CDH12: variants seen among roughly 807,000 people sequenced by gnomAD.
The protein encoded by CDH12 is cadherin-12.
Under a neutral mutation model 74.1 loss-of-function variants are expected in CDH12, and 41 were observed. That is an observed-to-expected ratio of 0.55 (90% CI 0.43 to 0.72). CDH12 has a LOEUF of 0.72. Ranked by LOEUF, CDH12 falls within the 30% of genes least tolerant of loss-of-function variation. The probability of loss-of-function intolerance (pLI) is 0.00; values close to 1 mark genes in which losing one functional copy is unlikely to be tolerated. For missense variants in CDH12, 945 were observed against 977.2 expected (o/e 0.97, Z 0.44); for synonymous variants, 399 against 355.0 (o/e 1.12, Z -1.39).
chr5:22,430,494 A>G (rs2126519077), intron 2 of CDH12, among the ~76,000 whole-genome samples: 1 of 152,316 alleles, frequency 6.6e-6, no homozygotes, highest in East Asian at 1.9e-4. Flanking sequence ...AAATACAAGG[A>G]AAAAATTTTA....
At chr5:22,780,600 A>T (rs1157238694) in intron 1 of CDH12, among the ~76,000 whole-genome samples, 1 of 152,122 alleles carries the variant, frequency 6.6e-6, no homozygotes, top group Non-Finnish European at 1.5e-5. Context: ...CAAGAACAGC[A>T]TGGGGATAAC....
chr5:22,058,033 CT>C (rs1740870901), intron 5 of CDH12, among the ~76,000 whole-genome samples: 1 of 151,328 alleles, frequency 6.6e-6, no homozygotes, highest in Non-Finnish European at 1.5e-5. Flanking sequence ...ATCTATCTAT[CT>C]ATCTATCTAT....
At chr5:22,399,125 C>A (rs1742595011) in intron 3 of CDH12, among the ~76,000 whole-genome samples, 1 of 151,986 alleles carries the variant, frequency 6.6e-6, no homozygotes, top group Admixed American at 6.6e-5. Flanking sequence ...TTTCTATCTT[C>A]TATTTATCCA....
chr5:22,747,767 T>C (rs887509826), intron 1 of CDH12, among the ~76,000 whole-genome samples: 2 of 152,184 alleles, frequency 1.3e-5, no homozygotes, highest in African/African-American at 4.8e-5. Context: ...ATTCCTAGTG[T>C]TTTAAACTTG....
At chr5:22,485,809 TAATGACACA>T (rs913809242) in intron 2 of CDH12, among the ~76,000 whole-genome samples, 1 of 152,182 alleles carries the variant, frequency 6.6e-6, no homozygotes, top group African/African-American at 2.4e-5. Flanking sequence ...CATATCAAAA[TAATGACACA>T]AATGCCTACC....
chr5:22,368,244 GCT>G (rs1387657355), intron 3 of CDH12, among the ~76,000 whole-genome samples: 1 of 151,872 alleles, frequency 6.6e-6, no homozygotes, highest in Non-Finnish European at 1.5e-5. Flanking sequence ...TTCTAAAATA[GCT>G]CTTTGAGATA....
At chr5:22,745,572 G>C (rs931222719) in intron 1 of CDH12, among the ~76,000 whole-genome samples, 1 of 152,084 alleles carries the variant, frequency 6.6e-6, no homozygotes, top group African/African-American at 2.4e-5. Context: ...ATACACTATA[G>C]AATACCATGC....
chr5:22,715,217 T>C (rs1014296498), intron 1 of CDH12, among the ~76,000 whole-genome samples: 7 of 152,206 alleles, frequency 4.6e-5, no homozygotes, highest in Non-Finnish European at 7.3e-5. Context: ...ATCATGTTAA[T>C]TATCCATCTC....
At chr5:22,323,920 T>C (rs953092352) in intron 3 of CDH12, among the ~76,000 whole-genome samples, 2 of 152,194 alleles carry the variant, frequency 1.3e-5, no homozygotes, top group Non-Finnish European at 2.9e-5. Context: ...ATCTGAATAA[T>C]AGTAATTGAC....
intron 2 of CDH12, among the ~76,000 whole-genome samples, chr5:22,446,341 C>T (rs1484516333): frequency 1.3e-5 from 2 of 152,056 alleles, no homozygotes; most frequent in Non-Finnish European, 2.9e-5. Flanking sequence ...AGATGACGTG[C>T]CAAGTTTCCA....
chr5:22,409,625 T>G (rs1178465812), intron 2 of CDH12, among the ~76,000 whole-genome samples: 1 of 152,162 alleles, frequency 6.6e-6, no homozygotes, highest in African/African-American at 2.4e-5. Context: ...TCTGCTTAAA[T>G]AATGTTTTAA....
At chr5:21,836,362 A>C (rs532868325) in intron 8 of CDH12, among the ~76,000 whole-genome samples, 1 of 151,732 alleles carries the variant, frequency 6.6e-6, no homozygotes, top group African/African-American at 2.4e-5. Flanking sequence ...TTTATGAGTA[A>C]GAAATTTTCT....
chr5:22,018,004 C>T (rs1737711079), intron 5 of CDH12, among the ~76,000 whole-genome samples: 1 of 152,072 alleles, frequency 6.6e-6, no homozygotes. Context: ...GGTGATCCGC[C>T]CACCTTGGCC....
At chr5:22,370,724 G>A (rs534430031) in intron 3 of CDH12, among the ~76,000 whole-genome samples, 2 of 152,140 alleles carry the variant, frequency 1.3e-5, no homozygotes, top group South Asian at 4.1e-4. Context: ...AGGAAACCTT[G>A]GTATGCTTGA....
intron 8 of CDH12, among the ~76,000 whole-genome samples, chr5:21,822,687 T>A (rs1001408114): frequency 2.0e-5 from 3 of 152,112 alleles, no homozygotes; most frequent in African/African-American, 7.2e-5. Flanking sequence ...GCATAGTTTT[T>A]AAGTGTCAAG....
At chr5:22,443,392 C>A (rs1291674554) in intron 2 of CDH12, among the ~76,000 whole-genome samples, 1 of 151,998 alleles carries the variant, frequency 6.6e-6, no homozygotes, top group Non-Finnish European at 1.5e-5. Context: ...CTTGTTAAAC[C>A]CTTAAACTAT....
chr5:21,928,230 G>C lies in CDH12; in HGVS notation c.526+46861C>G, dbSNP rs146495405. On this transcript the variant is annotated intron_variant, in intron 6 of 14. Transcript: ENST00000382254. Reference sequence around the variant, plus strand: ...TGTTCTGGAGAGAGACCTAGAGCGGGCTTCAAGGTAAAGTTTCCAGTATTT... The same window carrying C: ...TGTTCTGGAGAGAGACCTAGAGCGGCCTTCAAGGTAAAGTTTCCAGTATTT... Among the ~76,000 whole-genome samples, 807 of 151,984 alleles carry C rather than the reference G, an allele frequency of 5.3e-3. 8 individuals are homozygous for C. The highest frequency in any genetic ancestry group is 0.018 in the African/African-American group (763 of 41,434).
chr5:22,428,958 TCACATTTTTA>T (rs1032631964), intron 2 of CDH12, among the ~76,000 whole-genome samples: 2 of 152,140 alleles, frequency 1.3e-5, no homozygotes, highest in African/African-American at 4.8e-5. Context: ...TGTTTTCACA[TCACATTTTTA>T]CTGAAACTCA....
intron 2 of CDH12, among the ~76,000 whole-genome samples, chr5:22,459,128 T>C (rs1205500922): frequency 6.6e-6 from 1 of 152,142 alleles, no homozygotes; most frequent in South Asian, 2.1e-4. Context: ...ATGTACTCTG[T>C]TGTAATTGAA....
Sources: gnomAD v4.1 joint callset for allele counts (sites outside exome capture counted in the v4.1 genomes callset) on GRCh38, gnomAD v4.1.1 for gene constraint, MANE v1.5 for transcripts, NCBI Gene and HGNC (gene_info 2026-07-23, HGNC 2026-07-21) for gene names.